COL4A6: variants seen among roughly 807,000 people sequenced by gnomAD.
COL4A6 encodes collagen alpha-6(IV) chain.
Under a neutral mutation model 126.7 loss-of-function variants are expected in COL4A6, and 59 were observed. That is an observed-to-expected ratio of 0.47 (90% CI 0.38 to 0.58). The LOEUF (loss-of-function observed/expected upper bound fraction) is 0.58. Among genes scored for constraint, COL4A6 ranks in the 20% least tolerant of loss-of-function variants. The pLI, the probability that COL4A6 is intolerant of heterozygous loss-of-function variation, is 0.00. For missense variants in COL4A6, 1,285 were observed against 1,337.3 expected (o/e 0.96, Z 0.61); for synonymous variants, 547 against 496.6 (o/e 1.10, Z -1.35).
rs188964662 is a variant in COL4A6 at position 108,371,019 on chromosome X, T to C, written c.64-60191A>G. Among the ~76,000 whole-genome samples, 21 of 110,488 alleles carry C rather than the reference T, an allele frequency of 1.9e-4. No homozygotes were observed. The East Asian group carries it at 6.0e-3, about 32-fold the overall frequency. On this transcript the variant is annotated intron_variant, in intron 2 of 44. Coordinates refer to ENST00000334504, the MANE Select transcript of COL4A6 (RefSeq NM_033641.4). ...CTTAGCTCAAATGTCACCTCTTCTGTGACATTTTCCTGATACCTTTGGAGA... is the reference window on the plus strand; with the variant it reads ...CTTAGCTCAAATGTCACCTCTTCTGCGACATTTTCCTGATACCTTTGGAGA...
chrX:108,170,131 C>A (rs2034258457), intron 35 of COL4A6, 115 bp from the exon 36 acceptor site: 5 of 621,584 alleles, frequency 8.0e-6, no homozygotes, highest in Non-Finnish European at 1.3e-5. Flanking sequence ...AAGTCCTGGT[C>A]TTTTTTGAGG....
chrX:108,178,283 C>T (rs2034560835), intron 27 of COL4A6, among the ~76,000 whole-genome samples: 1 of 112,364 alleles, frequency 8.9e-6, no homozygotes, highest in Middle Eastern at 4.6e-3. Flanking sequence ...GGCAGGCTGC[C>T]GGTGTGGTCA....
intron 23 of COL4A6, chrX:108,183,667 G>A: frequency 1.3e-6 from 1 of 788,740 alleles, no homozygotes; most frequent in Non-Finnish European, 1.6e-6. Context: ...AAACAAAAAA[G>A]GGGTGTTTAG....
intron 3 of COL4A6, among the ~76,000 whole-genome samples, chrX:108,298,409 G>A (rs1222487858): frequency 8.9e-6 from 1 of 112,413 alleles, no homozygotes; most frequent in East Asian, 2.9e-4. Flanking sequence ...TGGGCTGGCA[G>A]GGGGAATTTC....
At chrX:108,403,819 T>C (rs901275926) in intron 2 of COL4A6, among the ~76,000 whole-genome samples, 3 of 111,948 alleles carry the variant, frequency 2.7e-5, no homozygotes, top group Non-Finnish European at 5.6e-5. Flanking sequence ...TTGGTGATCT[T>C]TGATATTTGT....
chrX:108,368,107 A>G (rs2040246376), intron 2 of COL4A6, among the ~76,000 whole-genome samples: 1 of 109,354 alleles, frequency 9.1e-6, no homozygotes, highest in Admixed American at 9.8e-5. Context: ...ATGTCTCTTA[A>G]CCACCATGGT....
chrX:108,263,876 G>T (rs752723843), intron 3 of COL4A6, among the ~76,000 whole-genome samples: 1 of 111,462 alleles, frequency 9.0e-6, no homozygotes, highest in Non-Finnish European at 1.9e-5. Flanking sequence ...CTGACCCTCC[G>T]TGTTTTCATG....
chrX:108,326,796 T>G (rs2039167432), intron 2 of COL4A6, among the ~76,000 whole-genome samples: 1 of 112,053 alleles, frequency 8.9e-6, no homozygotes, highest in South Asian at 3.7e-4. Flanking sequence ...AAAAATTAAC[T>G]CAAAATATAT....
At chrX:108,224,880 G>A (rs964170290) in intron 3 of COL4A6, among the ~76,000 whole-genome samples, 1 of 111,099 alleles carries the variant, frequency 9.0e-6, no homozygotes, top group Non-Finnish European at 1.9e-5. Flanking sequence ...GGCCAGCAGA[G>A]GTCAGTGTGA....
intron 2 of COL4A6, among the ~76,000 whole-genome samples, chrX:108,409,428 C>T (rs1369505437): frequency 1.8e-5 from 2 of 112,159 alleles, no homozygotes; most frequent in African/African-American, 3.2e-5. Flanking sequence ...GACTACTATG[C>T]TAAGTGATTT....
intron 3 of COL4A6, 27 bp downstream of exon 3, chrX:108,310,721 C>T (rs2038740913): frequency 3.4e-6 from 4 of 1,168,354 alleles, no homozygotes; most frequent in Non-Finnish European, 4.7e-6. Context: ...CACTATTTGT[C>T]TTTCAACAAT....
chrX:108,413,898 A>G (rs1267631685), intron 2 of COL4A6, among the ~76,000 whole-genome samples: 1 of 111,843 alleles, frequency 8.9e-6, no homozygotes, highest in East Asian at 2.8e-4. Flanking sequence ...GAACCATAAC[A>G]TCCTCAAGAG....
chrX:108,188,158 T>C, intron 21 of COL4A6, 131 bp from the exon 22 acceptor site: 1 of 467,924 alleles, frequency 2.1e-6, no homozygotes, highest in Admixed American at 4.1e-5. Context: ...GATTATGTTG[T>C]AATCTTGAAT....
chrX:108,311,292 A>C (rs1175075064), intron 2 of COL4A6, among the ~76,000 whole-genome samples: 1 of 111,880 alleles, frequency 8.9e-6, no homozygotes, highest in Non-Finnish European at 1.9e-5. Flanking sequence ...TGTTCTCCTC[A>C]AACTCCATTT....
chrX:108,325,657 A>C (rs2039138492), intron 2 of COL4A6, among the ~76,000 whole-genome samples: 1 of 111,581 alleles, frequency 9.0e-6, no homozygotes, highest in Admixed American at 9.5e-5. Flanking sequence ...TATAGATACA[A>C]AACTTCTTAA....
At chrX:108,175,852 G>A in intron 28 of COL4A6, 55 bp from the exon 29 acceptor site, 1 of 1,022,515 alleles carries the variant, frequency 9.8e-7, no homozygotes, top group East Asian at 3.2e-5. Flanking sequence ...CCAGGAAATG[G>A]AGGCTCAGGG....
At chrX:108,409,908 C>T (rs1282895217) in intron 2 of COL4A6, among the ~76,000 whole-genome samples, 1 of 111,576 alleles carries the variant, frequency 9.0e-6, no homozygotes, top group Non-Finnish European at 1.9e-5. Flanking sequence ...AGGATCAACC[C>T]TTCTGTTTCT....
At chrX:108,337,897 C>A (rs2039469437) in intron 2 of COL4A6, among the ~76,000 whole-genome samples, 1 of 111,434 alleles carries the variant, frequency 9.0e-6, no homozygotes, top group African/African-American at 3.3e-5. Context: ...ATGATTTGGT[C>A]CTAAATGGTG....
At chrX:108,411,443 T>C (rs2041327098) in intron 2 of COL4A6, among the ~76,000 whole-genome samples, 1 of 111,795 alleles carries the variant, frequency 8.9e-6, no homozygotes, top group Non-Finnish European at 1.9e-5. Flanking sequence ...TGTGTACATA[T>C]ACACTAGTAT....
Sources: gnomAD v4.1 joint callset for allele counts (sites outside exome capture counted in the v4.1 genomes callset) on GRCh38, gnomAD v4.1.1 for gene constraint, MANE v1.5 for transcripts, NCBI Gene and HGNC (gene_info 2026-07-23, HGNC 2026-07-21) for gene names.